Variants in GMDS observed in about 807,000 individuals in gnomAD.
The protein encoded by GMDS is GDP-mannose 4,6-dehydratase, also known as GDP-mannose 4,6 dehydratase.
A neutral mutation model predicts 49.9 loss-of-function variants in GMDS; 20 were observed. The ratio of observed to expected loss-of-function variants is 0.40; its 90% CI spans 0.28 to 0.58. The LOEUF is 0.58. Ranked by LOEUF, GMDS falls within the 20% of genes least tolerant of loss-of-function variation. GMDS has a pLI of 0.42. For synonymous variants in GMDS, 177 were observed against 178.6 expected (o/e 0.99, Z 0.07); for missense variants, 362 against 481.4 (o/e 0.75, Z 2.32).
intron 4 of GMDS, among the ~76,000 whole-genome samples, chr6:2,029,426 C>G (rs1768821598): frequency 6.6e-6 from 1 of 152,180 alleles, no homozygotes; most frequent in Admixed American, 6.5e-5. Flanking sequence ...TTTCTTAACA[C>G]CTCAACTAAG....
chr6:1,951,043 C>G (rs974653589), intron 6 of GMDS, among the ~76,000 whole-genome samples: 3 of 152,084 alleles, frequency 2.0e-5, no homozygotes, highest in African/African-American at 7.2e-5. Flanking sequence ...CAGACGTCCT[C>G]TGGAGGAAAG....
intron 9 of GMDS, among the ~76,000 whole-genome samples, chr6:1,709,383 C>T (rs1765865473): frequency 6.6e-6 from 1 of 152,244 alleles, no homozygotes; most frequent in Non-Finnish European, 1.5e-5. Flanking sequence ...GGCTGTGCCA[C>T]TAGCACACAG....
chr6:1,863,886 AAAAAT>A, intron 7 of GMDS, among the ~76,000 whole-genome samples: 1 of 152,178 alleles, frequency 6.6e-6, no homozygotes, highest in Non-Finnish European at 1.5e-5. Flanking sequence ...ATCTCAAAAT[AAAAAT>A]AAAAGTTTAA....
At chr6:1,687,532 C>A (rs1034470691) in intron 9 of GMDS, among the ~76,000 whole-genome samples, 7 of 148,838 alleles carry the variant, frequency 4.7e-5, no homozygotes, top group African/African-American at 1.7e-4. Context: ...AGGCCATCAG[C>A]AAGCTCCTGT....
At chr6:2,171,130 G>A (rs942784723) in intron 1 of GMDS, among the ~76,000 whole-genome samples, 3 of 152,188 alleles carry the variant, frequency 2.0e-5, no homozygotes, top group African/African-American at 7.2e-5. Flanking sequence ...AGGAACTCAT[G>A]AACTTGAATT....
chr6:2,240,940 A>AT (rs1221162838), intron 1 of GMDS, among the ~76,000 whole-genome samples: 3 of 152,206 alleles, frequency 2.0e-5, no homozygotes, highest in African/African-American at 4.8e-5. Flanking sequence ...AGAAAACAGC[A>AT]TTTTTCAGTA....
intron 8 of GMDS, among the ~76,000 whole-genome samples, chr6:1,737,979 CACACACCACAA>C (rs1767093664): frequency 6.8e-6 from 1 of 146,140 alleles, no homozygotes; most frequent in South Asian, 2.2e-4. Context: ...CACACATACA[CACACACCACAA>C]ACACACCACA....
intron 1 of GMDS, among the ~76,000 whole-genome samples, chr6:2,198,571 A>G (rs140411684): frequency 6.6e-6 from 1 of 152,202 alleles, no homozygotes; most frequent in Non-Finnish European, 1.5e-5. Flanking sequence ...AAAAAAAAAA[A>G]AACAAGAGAA....
At chr6:1,792,777 CA>C (rs1769594220) in intron 7 of GMDS, among the ~76,000 whole-genome samples, 1 of 152,058 alleles carries the variant, frequency 6.6e-6, no homozygotes. Flanking sequence ...GATAGAATGC[CA>C]AATTTACTCC....
intron 1 of GMDS, among the ~76,000 whole-genome samples, chr6:2,200,883 A>G: frequency 6.9e-6 from 1 of 144,054 alleles, no homozygotes; most frequent in African/African-American, 2.6e-5. Flanking sequence ...ATGAAGAGAG[A>G]GCACCAAATG....
intron 4 of GMDS, among the ~76,000 whole-genome samples, chr6:1,984,522 A>T (rs1422848716): frequency 6.6e-6 from 1 of 152,092 alleles, no homozygotes; most frequent in Non-Finnish European, 1.5e-5. Context: ...TATCCAGGCC[A>T]GTACACTACA....
intron 1 of GMDS, among the ~76,000 whole-genome samples, chr6:2,156,990 T>C (rs1174666824): frequency 6.6e-6 from 1 of 152,236 alleles, no homozygotes; most frequent in Non-Finnish European, 1.5e-5. Context: ...GTTCAGATTT[T>C]TTTTCTACCT....
At chr6:1,637,719 GC>G (rs1763205337) in intron 9 of GMDS, among the ~76,000 whole-genome samples, 2 of 152,240 alleles carry the variant, frequency 1.3e-5, no homozygotes, top group African/African-American at 4.8e-5. Context: ...TCTGCAGTGG[GC>G]CAGTCAGTCC....
At chr6:1,759,944 A>G (rs1202047613) in intron 7 of GMDS, among the ~76,000 whole-genome samples, 4 of 149,844 alleles carry the variant, frequency 2.7e-5, no homozygotes, top group Non-Finnish European at 5.9e-5. Context: ...ATGGAGACCT[A>G]ACATATTCTG....
At chr6:1,688,265 CTAAG>C (rs1432698411) in intron 9 of GMDS, among the ~76,000 whole-genome samples, 1 of 152,238 alleles carries the variant, frequency 6.6e-6, no homozygotes, top group Admixed American at 6.5e-5. Context: ...TGAGCACCTA[CTAAG>C]TGTCAAGCAT....
intron 1 of GMDS, among the ~76,000 whole-genome samples, chr6:2,188,796 C>G (rs952761938): frequency 6.6e-6 from 1 of 152,120 alleles, no homozygotes; most frequent in Admixed American, 6.5e-5. Context: ...GAAATTTGAG[C>G]TGGGTTATAA....
At chr6:2,134,532 GC>G (rs1164348726) in intron 1 of GMDS, among the ~76,000 whole-genome samples, 1 of 152,180 alleles carries the variant, frequency 6.6e-6, no homozygotes, top group Non-Finnish European at 1.5e-5. Context: ...AGGCCCTTAT[GC>G]TAAGGCCGAA....
chr6:1,927,377 G>A (rs113300682), intron 7 of GMDS, among the ~76,000 whole-genome samples: 1 of 148,194 alleles, frequency 6.7e-6, no homozygotes, highest in Non-Finnish European at 1.5e-5. Context: ...AGAGGGTAGC[G>A]TGTTGGTGTA....
chr6:1,676,080 A>G (rs1054356937), intron 9 of GMDS, among the ~76,000 whole-genome samples: 8 of 152,224 alleles, frequency 5.3e-5, no homozygotes, highest in Non-Finnish European at 1.2e-4. Context: ...CAACTGCAGC[A>G]AAGTCTCAGG....
Sources: allele counts gnomAD v4.1 joint callset (sites outside exome capture counted in the v4.1 genomes callset), GRCh38; gene constraint gnomAD v4.1.1; transcripts MANE v1.5; gene names NCBI Gene and HGNC (gene_info 2026-07-23, HGNC 2026-07-21).